Variants in OXR1 observed in about 807,000 individuals in gnomAD.
OXR1 encodes the protein oxidation resistance protein 1.
Under a neutral mutation model 104.6 loss-of-function variants are expected in OXR1, and 41 were observed. The observed-to-expected ratio is 0.39, with a 90% CI of 0.31 to 0.51. The LOEUF (loss-of-function observed/expected upper bound fraction) is 0.51. Ranked by LOEUF, OXR1 falls within the 20% of genes least tolerant of loss-of-function variation. OXR1 has a pLI of 0.77. For synonymous variants in OXR1, 348 were observed against 348.4 expected (o/e 1.00, Z 0.01); for missense variants, 955 against 1,031.9 (o/e 0.93, Z 1.02).
At chr8:106,698,001 C>T in intron 7 of OXR1, 1 of 1,612,696 alleles carries the variant, frequency 6.2e-7, no homozygotes, top group Non-Finnish European at 8.5e-7. Flanking sequence ...AATGCAGGTC[C>T]CCTGTTGGCC....
chr8:106,669,699 T>A (rs1408411435), intron 3 of OXR1, among the ~76,000 whole-genome samples: 1 of 152,230 alleles, frequency 6.6e-6, no homozygotes, highest in African/African-American at 2.4e-5. Flanking sequence ...TATTGTAATA[T>A]TCAGTTATTA....
chr8:106,603,885 T>C (rs536655651), intron 3 of OXR1, among the ~76,000 whole-genome samples: 37 of 152,072 alleles, frequency 2.4e-4, no homozygotes, highest in Non-Finnish European at 5.0e-4. Context: ...AAACCCCCTC[T>C]CTACTAAAAA....
chr8:106,286,495 T>C (rs1477954670), intron 1 of OXR1, among the ~76,000 whole-genome samples: 1 of 151,934 alleles, frequency 6.6e-6, no homozygotes, highest in Non-Finnish European at 1.5e-5. Flanking sequence ...GATGTAAAAA[T>C]TTCTGTTGCC....
intron 11 of OXR1, among the ~76,000 whole-genome samples, chr8:106,722,911 A>G (rs1408864040): frequency 6.6e-6 from 1 of 152,184 alleles, no homozygotes. Flanking sequence ...CCCAGGTTTT[A>G]TGCCTAATAT....
chr8:106,503,951 G>C (rs1310837027), intron 2 of OXR1, among the ~76,000 whole-genome samples: 1 of 152,196 alleles, frequency 6.6e-6, no homozygotes, highest in Non-Finnish European at 1.5e-5. Flanking sequence ...GCAAACTACA[G>C]ATATCTCTCT....
At chr8:106,700,953 G>A (rs1830534963) in intron 7 of OXR1, among the ~76,000 whole-genome samples, 1 of 152,080 alleles carries the variant, frequency 6.6e-6, no homozygotes, top group South Asian at 2.1e-4. Context: ...AGTTATGAAA[G>A]ATCAGAAACC....
intron 1 of OXR1, among the ~76,000 whole-genome samples, chr8:106,336,525 C>G (rs751299001): frequency 4.6e-5 from 7 of 152,242 alleles, no homozygotes; most frequent in Non-Finnish European, 8.8e-5. Flanking sequence ...TGCTACCTCA[C>G]TTTCACATTT....
At chr8:106,347,421 T>G (rs1815541955) in intron 1 of OXR1, among the ~76,000 whole-genome samples, 1 of 152,214 alleles carries the variant, frequency 6.6e-6, no homozygotes, top group Admixed American at 6.5e-5. Flanking sequence ...TTCTACTATC[T>G]ATTGTTTGAG....
chr8:106,672,429 G>C (rs1019287477), intron 3 of OXR1, among the ~76,000 whole-genome samples: 1 of 151,880 alleles, frequency 6.6e-6, no homozygotes, highest in Non-Finnish European at 1.5e-5. Context: ...TGGGGTTGCA[G>C]TGAGCCAAGA....
At chr8:106,503,712 A>G (rs1435724206) in intron 2 of OXR1, among the ~76,000 whole-genome samples, 5 of 152,194 alleles carry the variant, frequency 3.3e-5, no homozygotes, top group Admixed American at 3.3e-4. Context: ...GAGTATGCTG[A>G]AACCTGCGGG....
At chr8:106,407,833 T>C (rs1818298241) in intron 2 of OXR1, among the ~76,000 whole-genome samples, 2 of 152,178 alleles carry the variant, frequency 1.3e-5, no homozygotes, top group South Asian at 4.1e-4. Flanking sequence ...TATTTTGGCC[T>C]TCTGTACAAT....
At chr8:106,692,361 G>A (rs1432031610) in intron 6 of OXR1, among the ~76,000 whole-genome samples, 2 of 151,986 alleles carry the variant, frequency 1.3e-5, no homozygotes, top group Non-Finnish European at 2.9e-5. Flanking sequence ...CAGAGTCAGT[G>A]GTTTAATTCA....
intron 2 of OXR1, among the ~76,000 whole-genome samples, chr8:106,396,796 C>T (rs1408169524): frequency 1.3e-5 from 2 of 151,914 alleles, no homozygotes; most frequent in Admixed American, 1.3e-4. Context: ...GACAAATATA[C>T]CATGGTTATG....
chr8:106,450,857 C>T (rs1324658368), intron 2 of OXR1, among the ~76,000 whole-genome samples: 2 of 151,584 alleles, frequency 1.3e-5, no homozygotes, highest in Admixed American at 1.3e-4. Context: ...TAATTCCTTT[C>T]TTAAGAACAA....
intron 1 of OXR1, among the ~76,000 whole-genome samples, chr8:106,334,087 G>A (rs767194901): frequency 2.0e-5 from 3 of 152,084 alleles, no homozygotes; most frequent in South Asian, 2.1e-4. Context: ...TTAATTCTTC[G>A]AAACCATGAA....
chr8:106,308,338 T>G (rs1429297884), intron 1 of OXR1, among the ~76,000 whole-genome samples: 2 of 152,158 alleles, frequency 1.3e-5, no homozygotes, highest in Admixed American at 6.5e-5. Flanking sequence ...CTGCGCACAT[T>G]GGTGAAGTGG....
intron 3 of OXR1, among the ~76,000 whole-genome samples, chr8:106,673,788 C>G (rs978685107): frequency 6.6e-6 from 1 of 152,212 alleles, no homozygotes. Context: ...AAAGGGCCAA[C>G]ATACAGCCCA....
At chr8:106,559,202 TA>T (rs1385285436) in intron 3 of OXR1, among the ~76,000 whole-genome samples, 5 of 152,202 alleles carry the variant, frequency 3.3e-5, no homozygotes, top group African/African-American at 1.2e-4. Flanking sequence ...TGTCACTTTA[TA>T]ACAAGGATGG....
chr8:106,422,537 A>T (rs1163929153), intron 2 of OXR1, among the ~76,000 whole-genome samples: 1 of 151,856 alleles, frequency 6.6e-6, no homozygotes, highest in Non-Finnish European at 1.5e-5. Flanking sequence ...ATAGTAAAAA[A>T]AGACTAATAG....
Sources: allele counts gnomAD v4.1 joint callset (sites outside exome capture counted in the v4.1 genomes callset), GRCh38; gene constraint gnomAD v4.1.1; transcripts MANE v1.5; gene names NCBI Gene and HGNC (gene_info 2026-07-23, HGNC 2026-07-21).